The following SERPINA4 variants were observed in gnomAD, a reference collection of about 807,000 sequenced individuals.
SERPINA4 encodes serpin family A member 4, also known as kallistatin.
Under a neutral mutation model 25.4 loss-of-function variants are expected in SERPINA4, and 24 were observed. The observed-to-expected ratio is 0.95, with a 90% CI of 0.69 to 1.33. The LOEUF is 1.33. SERPINA4 is among the 40% of genes most tolerant of loss of function. SERPINA4 has a pLI of 0.00. For missense variants in SERPINA4, 553 were observed against 535.8 expected (o/e 1.03, Z -0.32); for synonymous variants, 242 against 223.6 (o/e 1.08, Z -0.73).
chr14:94,568,874 A>AAAAAAAAAAG (rs111887262), intron 4 of SERPINA4, among the ~76,000 whole-genome samples: 15 of 146,194 alleles, frequency 1.0e-4, no homozygotes, highest in South Asian at 2.2e-4. Flanking sequence ...TCTCAAAAAA[A>AAAAAAAAAAG]AAAAAAAAGA....
intron 3 of SERPINA4, among the ~76,000 whole-genome samples, chr14:94,567,486 T>C (rs140844348): frequency 9.5e-4 from 145 of 152,264 alleles, no homozygotes; most frequent in African/African-American, 3.4e-3. Context: ...GTTCTAGACA[T>C]AGCTCTTCCA....
chr14:94,564,254 A>C, intron 2 of SERPINA4, 123 bp downstream of exon 2: 6 of 957,828 alleles, frequency 6.3e-6, no homozygotes, highest in African/African-American at 1.6e-5. Flanking sequence ...GATAGGGTTG[A>C]GCAACCCTCA....
intron 1 of SERPINA4, 62 bp downstream of exon 1, chr14:94,561,556 C>T: frequency 1.2e-6 from 1 of 862,648 alleles, no homozygotes; most frequent in Non-Finnish European, 1.6e-6. Flanking sequence ...CCAACTGTTC[C>T]ACTTTGCCCA....
At chr14:94,564,331 T>C (rs2139902252) in intron 2 of SERPINA4, among the ~76,000 whole-genome samples, 200 bp downstream of exon 2, 1 of 152,294 alleles carries the variant, frequency 6.6e-6, no homozygotes, top group East Asian at 1.9e-4. Flanking sequence ...TTCCTTCCTA[T>C]CTTTAGACAT....
chr14:94,565,696 A>AC (rs1255891110), intron 2 of SERPINA4, among the ~76,000 whole-genome samples: 5 of 151,392 alleles, frequency 3.3e-5, no homozygotes, highest in African/African-American at 1.2e-4. Context: ...AAATACAAAA[A>AC]AAAAAAAAAA....
In SERPINA4 at chr14:94,568,215, G is replaced by A; in HGVS notation, c.1010G>A (p.Gly337Asp). The change falls in exon 4 of 5, where the codon GGC becomes GAC. Residue 337 changes from glycine (G) to aspartate (D), a missense_variant. By Grantham distance (94) the Gly-to-Asp change is moderately conservative. Transcript: ENST00000557004. ...YVLDQILPRL[G>D]FTDLFSKWAD... ...TTAGATCAGATTTTGCCCAGGCTGG[G>A]CTTCACGGATCTGTTCTCCAAGTGG... The A allele has an allele frequency of 1.2e-6, 2 of 1,614,184 alleles. No individual in the cohort carries two copies. Among genetic ancestry groups the A allele is most frequent in the Non-Finnish European group, 8.5e-7 (1 of 1,180,038 alleles).
At chr14:94,563,071 T>A (rs1039501346) in intron 1 of SERPINA4, among the ~76,000 whole-genome samples, 2 of 152,024 alleles carry the variant, frequency 1.3e-5, no homozygotes, top group African/African-American at 4.8e-5. Context: ...GAAAGACAAG[T>A]GTGGGAGAAG....
intron 4 of SERPINA4, among the ~76,000 whole-genome samples, chr14:94,568,867 C>CAA (rs33940669): frequency 0.012 from 997 of 81,152 alleles, 15 homozygotes; most frequent in African/African-American, 0.037. Context: ...GACTCCATCT[C>CAA]AAAAAAAAAA....
At chr14:94,566,820 A>G in intron 2 of SERPINA4, 150 bp from the exon 3 acceptor site, 2 of 861,526 alleles carry the variant, frequency 2.3e-6, no homozygotes, top group South Asian at 1.9e-5. Flanking sequence ...CAGGTTTTGA[A>G]TGGTCAAAAT....
intron 1 of SERPINA4, among the ~76,000 whole-genome samples, chr14:94,562,599 T>C (rs1443165780): frequency 6.6e-6 from 1 of 151,994 alleles, no homozygotes; most frequent in Non-Finnish European, 1.5e-5. Flanking sequence ...TGAGACCCTG[T>C]CTCAAACAAA....
At chr14:94,566,716 T>C (rs150866672) in intron 2 of SERPINA4, among the ~76,000 whole-genome samples, 6 of 152,304 alleles carry the variant, frequency 3.9e-5, no homozygotes, top group Non-Finnish European at 8.8e-5. Flanking sequence ...TTCTTCTCTA[T>C]CAATCCTACT....
chr14:94,563,572 T>C lies in SERPINA4; in HGVS notation c.90T>C (p.Ser30=), dbSNP rs1290003500. ...TGCACGTTGAGCATGATGGTGAGAG[T>C]TGCAGTAACAGCTCCCACCAGCAGA... ...GQLHVEHDGE[S]CSNSSHQQIL... The change falls in exon 2 of 5, where the codon AGT becomes AGC. Residue 30 remains serine, a synonymous_variant. Coordinates refer to ENST00000557004, the MANE Select transcript of SERPINA4 (RefSeq NM_006215.4). The C allele has an allele frequency of 3.7e-6, 6 of 1,613,604 alleles. No individual in the cohort carries two copies. The highest frequency in any genetic ancestry group is 2.2e-5 in the East Asian group (1 of 44,878).
chr14:94,567,202 T>A lies in SERPINA4; in HGVS notation c.882T>A (p.Thr294=), dbSNP rs749512150. 1 of 1,614,092 alleles carries A rather than the reference T, an allele frequency of 6.2e-7. No individual in the cohort carries two copies. The highest frequency in any genetic ancestry group is 2.2e-5 in the East Asian group (1 of 44,874). The change falls in exon 3 of 5, where the codon ACT becomes ACA. Residue 294 remains threonine (T), a synonymous_variant. Coordinates refer to ENST00000557004, the MANE Select transcript of SERPINA4 (RefSeq NM_006215.4). ...TGAGGGAGATTGAAGAGGTTCTGACTCCAGAGATGCTAATGAGGTGGAACA... is the reference window on the plus strand; with the variant it reads ...TGAGGGAGATTGAAGAGGTTCTGACACCAGAGATGCTAATGAGGTGGAACA... ...GKMREIEEVL[T]PEMLMRWNNL...
At position 94,563,463 on chromosome 14, in the gene SERPINA4, T is replaced by C. The variant is rs1207069884; in HGVS notation, c.-17-3T>C. 5 of 1,596,496 alleles carry C rather than the reference T, an allele frequency of 3.1e-6. No individual in the cohort carries two copies. The highest frequency in any genetic ancestry group is 3.4e-6 in the Non-Finnish European group (4 of 1,168,488). Reference sequence around the variant, plus strand: ...TTCCTGGGCATTCTCTTCCCTCCCATAGGCCTGAGAGTGCAGAGGATGCAT... The same window carrying C: ...TTCCTGGGCATTCTCTTCCCTCCCACAGGCCTGAGAGTGCAGAGGATGCAT... On this transcript the variant is annotated splice_region_variant and splice_polypyrimidine_tract_variant and intron_variant, in intron 1 of 4. Transcript: ENST00000557004.
chr14:94,566,870 ACTGTTT>A, intron 2 of SERPINA4, 94 bp from the exon 3 acceptor site: 1 of 1,393,088 alleles, frequency 7.2e-7, no homozygotes, highest in Non-Finnish European at 9.8e-7. Flanking sequence ...ATCTGGAGCG[ACTGTTT>A]CTGTAGCTCA....
Position 94,567,073 on chromosome 14 carries a change from G to A in SERPINA4, c.753G>A (p.Glu251=). 1 of 1,614,220 alleles carries A rather than the reference G, an allele frequency of 6.2e-7. No homozygotes were observed. The highest frequency in any genetic ancestry group is 8.5e-7 in the Non-Finnish European group (1 of 1,180,042). Residue 251 remains glutamate (E), a synonymous_variant, in exon 3 of 5, where the codon GAG becomes GAA. Coordinates refer to ENST00000557004, the MANE Select transcript of SERPINA4 (RefSeq NM_006215.4). ...VRVPMMLQDQ[E]HHWYLHDRYL... ...TGCCCATGATGCTGCAGGACCAGGAGCATCACTGGTATCTTCATGACAGAT... is the reference window on the plus strand; with the variant it reads ...TGCCCATGATGCTGCAGGACCAGGAACATCACTGGTATCTTCATGACAGAT...
Position 94,568,363 on chromosome 14 carries a change from C to A in SERPINA4, c.1083+75C>A, listed in dbSNP as rs903393362. The stretch of plus-strand genomic sequence containing the variant: ...CCATGGGAGCTGCCAGGCGATGGGG[C>A]TCCCAAGCTGCCACATGGAGTCTCA... On this transcript the variant is annotated intron_variant, in intron 4 of 4. Transcript: ENST00000557004. 6.0e-6 allele frequency: 9 copies of A among 1,506,180 alleles called. No individual in the cohort carries two copies. The African/African-American group carries it at 8.3e-5, about 14-fold the overall frequency. The allele number at this position is 1,506,180 out of a possible 1,614,324, so 93.3% of individuals were successfully genotyped here.
intron 2 of SERPINA4, among the ~76,000 whole-genome samples, chr14:94,565,335 A>G (rs1432645434): frequency 6.6e-6 from 1 of 152,186 alleles, no homozygotes; most frequent in Non-Finnish European, 1.5e-5. Flanking sequence ...TGGAGCACAC[A>G]GAGCACTGCT....
intron 3 of SERPINA4, 130 bp from the exon 4 acceptor site, chr14:94,567,999 C>T (rs917253839): frequency 1.9e-5 from 17 of 884,800 alleles, no homozygotes; most frequent in East Asian, 9.7e-5. Flanking sequence ...TGGTCTGAGC[C>T]GAAGCTGTTT....
Sources: allele counts gnomAD v4.1 joint callset (sites outside exome capture counted in the v4.1 genomes callset), GRCh38; gene constraint gnomAD v4.1.1; transcripts MANE v1.5; gene names NCBI Gene and HGNC (gene_info 2026-07-23, HGNC 2026-07-21).